Variants in FOCAD observed in about 807,000 individuals in gnomAD.
The protein encoded by FOCAD is focadhesin.
Under a neutral mutation model 225.6 loss-of-function variants are expected in FOCAD, and 198 were observed. The ratio of observed to expected loss-of-function variants is 0.88; its 90% confidence interval spans 0.78 to 0.99. The LOEUF (loss-of-function observed/expected upper bound fraction) is 0.99. Ranked by LOEUF, FOCAD falls within the 50% of genes least tolerant of loss-of-function variation. FOCAD has a pLI of 0.00. For missense variants in FOCAD, 2,713 were observed against 2,123.6 expected, an observed-to-expected ratio of 1.28 and a Z score of -5.46; for synonymous variants, 897 against 755.0, an observed-to-expected ratio of 1.19 and a Z score of -3.08.
chr9:20,665,412 G>T (rs776102432), intron 2 of FOCAD, among the ~76,000 whole-genome samples: 1 of 152,042 alleles, frequency 6.6e-6, no homozygotes, highest in Non-Finnish European at 1.5e-5. Context: ...AATGAATGAC[G>T]AATCAGCTAA....
rs763542473 is a variant in FOCAD, at chr9:20,981,665, C to A, written c.4617C>A (p.Asp1539Glu). The A allele has an allele frequency of 6.2e-7, 1 of 1,608,820 alleles. No homozygotes were observed. Among genetic ancestry groups the A allele is most frequent in the Admixed American group, 1.7e-5 (1 of 58,786 alleles). Residue 1539 changes from aspartate (D) to glutamate (E), a missense_variant, in exon 38 of 44, where the codon GAC (aspartate) becomes GAA (glutamate). Physicochemically the swap from Asp to Glu is conservative, Grantham distance 45 (BLOSUM62 2). Transcript: ENST00000338382. Reference protein sequence around the residue: ...LLSEATGKIFDLLPNKIRRKD... With the variant: ...LLSEATGKIFELLPNKIRRKD... The stretch of plus-strand genomic sequence containing the variant: ...CTGAAGCTACTGGGAAAATTTTTGA[C>A]CTCCTGCCAAATAAGATTCGGGTGA...
chr9:20,720,925 C>T (rs1364383515), intron 4 of FOCAD, among the ~76,000 whole-genome samples: 1 of 152,180 alleles, frequency 6.6e-6, no homozygotes, highest in Non-Finnish European at 1.5e-5. Context: ...CAGGCCTTGG[C>T]ATTAGTGTAT....
At chr9:20,913,421 C>A (rs1833612587) in intron 23 of FOCAD, among the ~76,000 whole-genome samples, 1 of 152,050 alleles carries the variant, frequency 6.6e-6, no homozygotes, top group South Asian at 2.1e-4. Flanking sequence ...AGACATTTCC[C>A]AGGGAATTCC....
intron 28 of FOCAD, among the ~76,000 whole-genome samples, chr9:20,942,202 G>A (rs16938225): frequency 0.02 from 3,102 of 152,208 alleles, 93 homozygotes; most frequent in African/African-American, 0.069. Context: ...GAATTATAAC[G>A]TTGCTCAGGT....
Position 20,781,806 on chromosome 9 carries a change from A to G in FOCAD, c.1074A>G (p.Ile358Met). The G allele has an allele frequency of 6.2e-7, 1 of 1,614,138 alleles. No individual in the cohort carries two copies. The highest frequency in any genetic ancestry group is 1.1e-5 in the South Asian group (1 of 91,086). The change falls in exon 10 of 44, where the codon ATA (isoleucine) becomes ATG (methionine). Residue 358 changes from isoleucine to methionine, a missense_variant. Coordinates refer to ENST00000338382, the MANE Select transcript of FOCAD (RefSeq NM_001375567.1). ...TGCTAGTGATGCCAATTCTGCAGAT[A>G]CTATCTTCTACTGCCTTGGAAGACT... ...SLLLVMPILQILSSTALEDCI... is the reference protein window; with the variant it reads ...SLLLVMPILQMLSSTALEDCI...
chr9:20,893,017 TA>T (rs933823174), intron 21 of FOCAD, among the ~76,000 whole-genome samples: 3 of 151,774 alleles, frequency 2.0e-5, no homozygotes, highest in South Asian at 2.1e-4. Context: ...GTCAAATATT[TA>T]AAAAAAAATT....
intron 21 of FOCAD, among the ~76,000 whole-genome samples, chr9:20,901,591 T>A (rs1832570447): frequency 6.6e-6 from 1 of 151,880 alleles, no homozygotes; most frequent in Admixed American, 6.6e-5. Flanking sequence ...CAAAGTATTC[T>A]GAACTGTAAA....
intron 5 of FOCAD, among the ~76,000 whole-genome samples, chr9:20,745,392 T>G (rs974162987): frequency 6.6e-5 from 10 of 152,182 alleles, no homozygotes; most frequent in African/African-American, 2.4e-4. Flanking sequence ...ACTGGGCCTG[T>G]TTAAACATTT....
In FOCAD at chr9:20,933,017, T is replaced by G. The variant is rs1835628129; in HGVS notation, c.3321T>G (p.Asp1107Glu). 6.2e-7 allele frequency: 1 copy of G among 1,612,412 alleles called. No individual in the cohort carries two copies. The highest frequency in any genetic ancestry group is 1.7e-5 in the Admixed American group (1 of 59,988). The change falls in exon 28 of 44, where the codon GAT (aspartate) becomes GAG (glutamate). Residue 1107 changes from aspartate to glutamate, a missense_variant. Transcript: ENST00000338382. ...TTTCCCCTTGATCTTTAACCAGTGA[T>G]ATATCTGGCCAAGAGATGAACCTTC... ...LSRLCEEKLS[D>E]ISGQEMNLLL...
intron 5 of FOCAD, among the ~76,000 whole-genome samples, chr9:20,747,137 A>G (rs188405730): frequency 1.3e-5 from 2 of 152,180 alleles, no homozygotes; most frequent in East Asian, 1.9e-4. Flanking sequence ...AGCACTCCCA[A>G]CCAATTTTCA....
chr9:20,936,241 C>T (rs1013525485), intron 28 of FOCAD, among the ~76,000 whole-genome samples: 5 of 152,188 alleles, frequency 3.3e-5, no homozygotes, highest in Non-Finnish European at 5.9e-5. Flanking sequence ...ATTATGGGCA[C>T]TGCTCAAATA....
intron 35 of FOCAD, among the ~76,000 whole-genome samples, chr9:20,965,424 A>C (rs147499344): frequency 6.6e-5 from 10 of 152,096 alleles, no homozygotes; most frequent in Non-Finnish European, 1.2e-4. Context: ...CCAAGACTGT[A>C]TCTCTCTTTT....
At chr9:20,694,245 G>C (rs1823160914) in intron 1 of FOCAD, among the ~76,000 whole-genome samples, 2 of 152,092 alleles carry the variant, frequency 1.3e-5, no homozygotes, top group Admixed American at 1.3e-4. Flanking sequence ...CCTTTTCTAA[G>C]GTCTTAGACT....
At position 20,730,515 on chromosome 9, in the gene FOCAD, T is replaced by G. The variant is rs148921828; in HGVS notation, c.288-9721T>G. Reference sequence around the variant, plus strand: ...AAACATACTTGATGTATTTCAGTCCTCTTCTCCTCTATTTTTAAGGCTGTT... The same window carrying G: ...AAACATACTTGATGTATTTCAGTCCGCTTCTCCTCTATTTTTAAGGCTGTT... On this transcript the variant is annotated intron_variant, in intron 4 of 43. Coordinates refer to ENST00000338382, the MANE Select transcript of FOCAD (RefSeq NM_001375567.1). 1.6e-3 allele frequency among the ~76,000 whole-genome samples: 239 copies of G among 152,326 alleles called. 1 individual carries two copies. Among genetic ancestry groups the G allele is most frequent in the African/African-American group, 5.6e-3 (233 of 41,582 alleles).
At chr9:20,833,522 A>T (rs1178284862) in intron 15 of FOCAD, among the ~76,000 whole-genome samples, 1 of 152,082 alleles carries the variant, frequency 6.6e-6, no homozygotes, top group Non-Finnish European at 1.5e-5. Flanking sequence ...GCTTTTTCAC[A>T]TGGCAGCGAC....
intron 2 of FOCAD, among the ~76,000 whole-genome samples, chr9:20,672,251 G>A (rs1822085803): frequency 6.6e-6 from 1 of 152,074 alleles, no homozygotes; most frequent in African/African-American, 2.4e-5. Context: ...ATTATAATTG[G>A]CATACTCTGT....
intron 7 of FOCAD, among the ~76,000 whole-genome samples, chr9:20,767,463 T>A (rs1031581472): frequency 1.3e-5 from 2 of 150,120 alleles, no homozygotes; most frequent in Admixed American, 6.6e-5. Context: ...TGTTCCTATT[T>A]CTCCACGTCC....
At chr9:20,871,774 G>T (rs1829795657) in intron 18 of FOCAD, among the ~76,000 whole-genome samples, 1 of 118,732 alleles carries the variant, frequency 8.4e-6, no homozygotes, top group Non-Finnish European at 1.7e-5. Flanking sequence ...GGGGGGTGGG[G>T]GGAGGGGTAG....
At chr9:20,768,555 T>C (rs913927699) in intron 7 of FOCAD, among the ~76,000 whole-genome samples, 14 of 151,990 alleles carry the variant, frequency 9.2e-5, no homozygotes, top group African/African-American at 2.4e-4. Context: ...CCCTTGTAAG[T>C]TGGATTCCTA....
Sources: allele counts gnomAD v4.1 joint callset (sites outside exome capture counted in the v4.1 genomes callset), GRCh38; gene constraint gnomAD v4.1.1; transcripts MANE v1.5; gene names NCBI Gene and HGNC (gene_info 2026-07-23, HGNC 2026-07-21).